The following MLLT10 variants were observed in gnomAD, a reference collection of about 807,000 sequenced individuals.
MLLT10 encodes the protein protein AF-10.
Under a neutral mutation model 129.1 loss-of-function variants are expected in MLLT10, and 30 were observed. The ratio of observed to expected loss-of-function variants is 0.23; its 90% CI spans 0.17 to 0.32. The LOEUF (loss-of-function observed/expected upper bound fraction) is 0.32, where lower values mean the gene tolerates loss of function less well. Among genes scored for constraint, MLLT10 ranks in the 10% least tolerant of loss-of-function variants. MLLT10 has a pLI of 1.00. For synonymous variants in MLLT10, 490 were observed against 446.4 expected, an observed-to-expected ratio of 1.10 and a Z score of -1.23; for missense variants, 1,119 against 1,268.3, an observed-to-expected ratio of 0.88 and a Z score of 1.79.
intron 21 of MLLT10, among the ~76,000 whole-genome samples, chr10:21,739,457 A>C (rs902394309): frequency 6.6e-6 from 1 of 152,208 alleles, no homozygotes; most frequent in Non-Finnish European, 1.5e-5. Flanking sequence ...TACTCCCTCC[A>C]GACTTTCTCA....
intron 6 of MLLT10, among the ~76,000 whole-genome samples, chr10:21,612,903 A>G (rs1292821959): frequency 6.6e-6 from 1 of 151,930 alleles, no homozygotes; most frequent in African/African-American, 2.4e-5. Context: ...TATTTAAGAT[A>G]CTCTTTCATG....
intron 3 of MLLT10, among the ~76,000 whole-genome samples, chr10:21,572,698 C>T (rs2040341179): frequency 6.6e-6 from 1 of 152,030 alleles, no homozygotes; most frequent in Non-Finnish European, 1.5e-5. Context: ...TTGCTCACTC[C>T]ATCTCCTGGG....
chr10:21,708,837 A>G (rs1169902320), intron 13 of MLLT10: 18 of 676,470 alleles, frequency 2.7e-5, no homozygotes, highest in Non-Finnish European at 3.3e-5. Context: ...ACAACAGTGT[A>G]CTTTCCTGAC....
rs1009058809 is a variant in MLLT10 at position 21,703,615 on chromosome 10, G to A, written c.1700-10157G>A. ...GCTGGAGTGCAGTGGCGCGATCTCC[G>A]CTCACTGCAACCTCAGCCTGCCAGG... is the stretch of plus-strand genomic sequence containing the variant. On this transcript the variant is annotated intron_variant, in intron 13 of 22. Coordinates refer to ENST00000307729, the MANE Select transcript of MLLT10 (RefSeq NM_001195626.3). 5.3e-5 allele frequency among the ~76,000 whole-genome samples: 8 copies of A among 151,912 alleles called. No homozygotes were observed. The East Asian group carries it at 1.4e-3, about 26-fold the overall frequency.
chr10:21,740,256 T>C lies in MLLT10; in HGVS notation c.3162+20T>C. 6.2e-7 allele frequency: 1 copy of C among 1,607,286 alleles called. No individual in the cohort carries two copies. The highest frequency in any genetic ancestry group is 8.5e-7 in the Non-Finnish European group (1 of 1,173,962). ...GTAGCAGTAAGTATATTTTCCTTAC[T>C]ACATCTAATGAAACAAGAACTGTAT... On this transcript the variant is annotated intron_variant, in intron 22 of 22. Transcript: ENST00000307729.
chr10:21,589,328 T>G (rs533053451), intron 4 of MLLT10, among the ~76,000 whole-genome samples: 103 of 151,802 alleles, frequency 6.8e-4, no homozygotes, highest in Admixed American at 1.7e-3. Flanking sequence ...TCCAAAGTTT[T>G]TTTTTTTTTT....
chr10:21,582,340 G>A (rs1203551907), intron 3 of MLLT10, among the ~76,000 whole-genome samples: 1 of 151,956 alleles, frequency 6.6e-6, no homozygotes, highest in Non-Finnish European at 1.5e-5. Flanking sequence ...GGCTGGTCTC[G>A]AACTCCTGAC....
intron 13 of MLLT10, among the ~76,000 whole-genome samples, chr10:21,692,076 A>T (rs2131439145): frequency 6.7e-6 from 1 of 149,926 alleles, no homozygotes. Context: ...TGTGAGGCTG[A>T]GGCATGGGAA....
At chr10:21,622,347 T>C (rs1312430989) in intron 8 of MLLT10, among the ~76,000 whole-genome samples, 1 of 151,076 alleles carries the variant, frequency 6.6e-6, no homozygotes, top group Non-Finnish European at 1.5e-5. Flanking sequence ...TTTTTTAAAT[T>C]TGTAGAGACG....
At chr10:21,556,776 T>A in intron 3 of MLLT10, 2 of 1,598,804 alleles carry the variant, frequency 1.3e-6, no homozygotes, top group Non-Finnish European at 1.7e-6. Flanking sequence ...GGTGCTCTGA[T>A]GCATTGCTTT....
chr10:21,578,081 G>A (rs2040984032), intron 3 of MLLT10, among the ~76,000 whole-genome samples: 1 of 151,784 alleles, frequency 6.6e-6, no homozygotes, highest in South Asian at 2.1e-4. Flanking sequence ...TTTTAGAAGA[G>A]TTGGAGTTTC....
intron 3 of MLLT10, among the ~76,000 whole-genome samples, chr10:21,581,164 G>A (rs1321039417): frequency 1.3e-5 from 2 of 150,818 alleles, no homozygotes; most frequent in Non-Finnish European, 2.9e-5. Context: ...TCCTGCCTCA[G>A]CCTCCCTAGT....
At chr10:21,552,374 A>AT (rs894174500) in intron 3 of MLLT10, among the ~76,000 whole-genome samples, 1 of 129,696 alleles carries the variant, frequency 7.7e-6, no homozygotes, top group African/African-American at 2.9e-5. Flanking sequence ...AAATCTTTGT[A>AT]TATCTTCTTA....
chr10:21,553,071 T>C (rs2130958998), intron 3 of MLLT10, among the ~76,000 whole-genome samples: 1 of 152,188 alleles, frequency 6.6e-6, no homozygotes, highest in Middle Eastern at 3.4e-3. Flanking sequence ...GGATTCCCTG[T>C]TTTTCTATCC....
At chr10:21,596,302 T>C (rs1261086673) in intron 5 of MLLT10, among the ~76,000 whole-genome samples, 1 of 152,188 alleles carries the variant, frequency 6.6e-6, no homozygotes, top group African/African-American at 2.4e-5. Flanking sequence ...TTTTGGAACT[T>C]ACACAGCATC....
intron 13 of MLLT10, among the ~76,000 whole-genome samples, chr10:21,694,959 T>A (rs1289321929): frequency 6.6e-6 from 1 of 152,064 alleles, no homozygotes; most frequent in Non-Finnish European, 1.5e-5. Context: ...AAGCCAGCAA[T>A]GATGAGTTGA....
At chr10:21,674,054 G>C (rs2051795038) in intron 11 of MLLT10, 135 bp downstream of exon 11, 1 of 707,958 alleles carries the variant, frequency 1.4e-6, no homozygotes, top group South Asian at 3.6e-5. Context: ...AAATTTCTCA[G>C]TTTTTAAATT....
At chr10:21,539,504 T>C (rs2034704188) in intron 3 of MLLT10, among the ~76,000 whole-genome samples, 2 of 151,632 alleles carry the variant, frequency 1.3e-5, no homozygotes, top group South Asian at 4.1e-4. Context: ...CCGGGTGCAG[T>C]GGTTCACACC....
intron 3 of MLLT10, among the ~76,000 whole-genome samples, chr10:21,565,945 CTTT>C (rs1204388391): frequency 6.3e-5 from 5 of 79,384 alleles, no homozygotes; most frequent in African/African-American, 2.8e-4. Flanking sequence ...CAATCTTTGG[CTTT>C]TTTTTTTTTT....
Sources: allele counts gnomAD v4.1 joint callset (sites outside exome capture counted in the v4.1 genomes callset), GRCh38; gene constraint gnomAD v4.1.1; transcripts MANE v1.5; gene names NCBI Gene and HGNC (gene_info 2026-07-23, HGNC 2026-07-21).